RNF128: variants seen among roughly 807,000 people sequenced by gnomAD.
RNF128 encodes the protein ring finger protein 128, also known as E3 ubiquitin-protein ligase RNF128.
A neutral mutation model predicts 26.2 loss-of-function variants in RNF128; 13 were observed. The observed-to-expected ratio is 0.50, with a 90% CI of 0.32 to 0.79. The LOEUF (loss-of-function observed/expected upper bound fraction) is 0.79, where lower values mean the gene tolerates loss of function less well. Ranked by LOEUF, RNF128 falls within the 30% of genes least tolerant of loss-of-function variation. The pLI is 0.03. For synonymous variants in RNF128, 149 were observed against 142.5 expected (o/e 1.05, Z -0.32); for missense variants, 315 against 349.7 (o/e 0.90, Z 0.79).
At chrX:106,753,030 G>T (rs1270135959) in intron 1 of RNF128, among the ~76,000 whole-genome samples, 3 of 111,230 alleles carry the variant, frequency 2.7e-5, no homozygotes, top group Admixed American at 9.6e-5. Flanking sequence ...GACAAAAAAA[G>T]AATAAAATAG....
intron 1 of RNF128, among the ~76,000 whole-genome samples, chrX:106,768,091 T>C (rs976214667): frequency 9.8e-5 from 11 of 112,134 alleles, no homozygotes; most frequent in Non-Finnish European, 2.1e-4. Flanking sequence ...GATAAGCTTT[T>C]TGATGTGCTG....
chrX:106,694,466 T>G (rs1928844369), intron 1 of RNF128: 1 of 999,389 alleles, frequency 1.0e-6, no homozygotes, highest in African/African-American at 1.9e-5. Flanking sequence ...GAATGGTATT[T>G]CCATCTAGAA....
At chrX:106,761,161 C>T (rs1930114557) in intron 1 of RNF128, among the ~76,000 whole-genome samples, 1 of 111,819 alleles carries the variant, frequency 8.9e-6, no homozygotes, top group Non-Finnish European at 1.9e-5. Context: ...ACAAATGAAA[C>T]ATATGAAAAA....
chrX:106,739,862 A>T (rs1357544865), intron 1 of RNF128, among the ~76,000 whole-genome samples: 1 of 111,227 alleles, frequency 9.0e-6, no homozygotes, highest in Non-Finnish European at 1.9e-5. Context: ...AGGCATCCCA[A>T]ATTCTCCTTT....
At chrX:106,761,058 C>T (rs1452652580) in intron 1 of RNF128, among the ~76,000 whole-genome samples, 1 of 111,780 alleles carries the variant, frequency 8.9e-6, no homozygotes, top group Non-Finnish European at 1.9e-5. Flanking sequence ...CTTTAAGGAA[C>T]TTAAATTAAC....
chrX:106,759,229 G>A (rs927954810), intron 1 of RNF128, among the ~76,000 whole-genome samples: 16 of 111,527 alleles, frequency 1.4e-4, no homozygotes, highest in Non-Finnish European at 2.6e-4. Flanking sequence ...AAACTACAAT[G>A]AGATATTATC....
At chrX:106,774,594 A>C (rs1282029899) in intron 2 of RNF128, among the ~76,000 whole-genome samples, 1 of 112,164 alleles carries the variant, frequency 8.9e-6, no homozygotes, top group Admixed American at 9.5e-5. Flanking sequence ...CATGTAAACT[A>C]TCAGCAAATC....
chrX:106,773,554 T>A (rs1040853543), intron 2 of RNF128, among the ~76,000 whole-genome samples: 1 of 111,418 alleles, frequency 9.0e-6, no homozygotes, highest in Non-Finnish European at 1.9e-5. Flanking sequence ...AATATAACTA[T>A]AGTCATCGCC....
intron 1 of RNF128, among the ~76,000 whole-genome samples, chrX:106,696,344 G>A (rs749239363): frequency 7.0e-4 from 78 of 111,109 alleles, no homozygotes; most frequent in Non-Finnish European, 1.3e-3. Context: ...TGTGCCATTG[G>A]ATTTTTTCCT....
intron 2 of RNF128, among the ~76,000 whole-genome samples, chrX:106,780,764 G>A (rs1007679185): frequency 1.8e-5 from 2 of 112,082 alleles, no homozygotes; most frequent in Admixed American, 1.9e-4. Flanking sequence ...GTACAATAGT[G>A]GAGAGATCAT....
intron 1 of RNF128, among the ~76,000 whole-genome samples, chrX:106,727,725 A>G (rs2147668457): frequency 9.0e-6 from 1 of 111,566 alleles, no homozygotes; most frequent in African/African-American, 3.3e-5. Context: ...GGTGGTGGGC[A>G]TCGGGTCTTA....
At position 106,769,899 on chromosome X, in the gene RNF128, T is replaced by C. The variant is rs763768486; in HGVS notation, c.485-3014T>C. 7.2e-5 allele frequency among the ~76,000 whole-genome samples: 8 copies of C among 111,503 alleles called. No individual in the cohort carries two copies. The South Asian group carries it at 3.1e-3, about 43-fold the overall frequency. On this transcript the variant is annotated intron_variant, in intron 1 of 6. Transcript: ENST00000255499. ...GCAGTGGCTGGTACCAGTTGTTCCT[T>C]TCCATGTTTAGTGCTTCCTTCAGGA...
chrX:106,744,641 A>G (rs1056881707), intron 1 of RNF128, among the ~76,000 whole-genome samples: 1 of 110,654 alleles, frequency 9.0e-6, no homozygotes, highest in Non-Finnish European at 1.9e-5. Flanking sequence ...TTGTATTTTT[A>G]GTAGAGACGG....
intron 4 of RNF128, among the ~76,000 whole-genome samples, chrX:106,788,287 TTATATATAG>T (rs1208896835): frequency 1.5e-5 from 1 of 67,667 alleles, no homozygotes; most frequent in African/African-American, 5.7e-5. Context: ...TATATATATA[TTATATATAG>T]TATATATACT....
At chrX:106,782,336 C>T in intron 2 of RNF128, among the ~76,000 whole-genome samples, 1 of 112,064 alleles carries the variant, frequency 8.9e-6, no homozygotes, top group East Asian at 2.8e-4. Context: ...TTTCTCATCT[C>T]GATGTCCAAC....
chrX:106,784,558 C>T (rs1445227865), intron 2 of RNF128, among the ~76,000 whole-genome samples: 3 of 111,508 alleles, frequency 2.7e-5, no homozygotes, highest in Admixed American at 9.6e-5. Context: ...TGGTACTACC[C>T]TCATTTTATA....
intron 4 of RNF128, among the ~76,000 whole-genome samples, chrX:106,789,429 A>ATATAATATAGT (rs1556337500): frequency 2.7e-5 from 1 of 36,556 alleles, no homozygotes; most frequent in Non-Finnish European, 6.4e-5. Flanking sequence ...CATAATATAT[A>ATATAATATAGT]GTATATATTA....
chrX:106,745,484 C>T (rs954141215), intron 1 of RNF128, among the ~76,000 whole-genome samples: 4 of 111,498 alleles, frequency 3.6e-5, no homozygotes, highest in East Asian at 2.8e-4. Flanking sequence ...TAAAGAAATA[C>T]GTGAGGCCAG....
At chrX:106,739,757 A>G (rs1196188278) in intron 1 of RNF128, among the ~76,000 whole-genome samples, 1 of 111,322 alleles carries the variant, frequency 9.0e-6, no homozygotes, top group Non-Finnish European at 1.9e-5. Context: ...AGCTTTTGTA[A>G]TATGTCATAC....
Sources: gnomAD v4.1 joint callset for allele counts (sites outside exome capture counted in the v4.1 genomes callset) on GRCh38, gnomAD v4.1.1 for gene constraint, MANE v1.5 for transcripts, NCBI Gene and HGNC (gene_info 2026-07-23, HGNC 2026-07-21) for gene names.